Variants in TENM2 observed in about 807,000 individuals in gnomAD.
The protein encoded by TENM2 is teneurin-2.
Under a neutral mutation model 245.2 loss-of-function variants are expected in TENM2, and 52 were observed. The observed-to-expected ratio is 0.21, with a 90% CI of 0.17 to 0.27. The LOEUF (loss-of-function observed/expected upper bound fraction) is 0.27. Among genes scored for constraint, TENM2 ranks in the 10% least tolerant of loss-of-function variants. The pLI is 1.00. For missense variants in TENM2, 3,046 were observed against 3,666.8 expected, an observed-to-expected ratio of 0.83 and a Z score of 4.37; for synonymous variants, 1,363 against 1,438.9, an observed-to-expected ratio of 0.95 and a Z score of 1.19.
At chr5:168,112,804 C>A (rs551692168) in intron 9 of TENM2, among the ~76,000 whole-genome samples, 92 of 152,124 alleles carry the variant, frequency 6.0e-4, no homozygotes, top group Non-Finnish European at 9.4e-4. Flanking sequence ...CCTCCATGAC[C>A]TAAATATTAC....
At chr5:167,971,188 G>C (rs1311002778) in intron 4 of TENM2, among the ~76,000 whole-genome samples, 1 of 151,720 alleles carries the variant, frequency 6.6e-6, no homozygotes, top group African/African-American at 2.4e-5. Context: ...AGATAGAGAT[G>C]ATAGAGATAG....
At chr5:167,872,574 G>GAAAGAAAGAAAGA (rs1773076482) in intron 2 of TENM2, among the ~76,000 whole-genome samples, 2 of 39,330 alleles carry the variant, frequency 5.1e-5, no homozygotes, top group Non-Finnish European at 1.2e-4. Flanking sequence ...AAGAAAGAAA[G>GAAAGAAAGAAAGA]AAAGAAAGAG....
chr5:167,012,339 G>A, the TENM2 span, among the ~76,000 whole-genome samples: 1 of 152,262 alleles, frequency 6.6e-6, no homozygotes, highest in East Asian at 1.9e-4. Flanking sequence ...ACATCATAGT[G>A]ACCAAGACTA....
the TENM2 span, among the ~76,000 whole-genome samples, chr5:166,984,657 T>C: frequency 6.6e-6 from 1 of 152,140 alleles, no homozygotes; most frequent in African/African-American, 2.4e-5. Context: ...GTTAGGTTCC[T>C]AGATTGTTTC....
intron 1 of TENM2, among the ~76,000 whole-genome samples, chr5:167,301,734 A>G (rs567955604): frequency 2.2e-3 from 333 of 152,300 alleles, no homozygotes; most frequent in East Asian, 7.3e-3. Flanking sequence ...ATTTGATGAA[A>G]AAGAGCCTAA....
intron 5 of TENM2, among the ~76,000 whole-genome samples, chr5:168,027,856 TG>T (rs1239973613): frequency 2.0e-5 from 3 of 152,188 alleles, no homozygotes; most frequent in Non-Finnish European, 2.9e-5. Context: ...TTGTTCTTCC[TG>T]TCTAAGAAGT....
At chr5:166,986,692 T>C in the TENM2 span, among the ~76,000 whole-genome samples, 3 of 152,142 alleles carry the variant, frequency 2.0e-5, no homozygotes, top group Non-Finnish European at 4.4e-5. Context: ...GAATGAAACA[T>C]GTTTTAAGAA....
chr5:167,939,810 G>A (rs40583), intron 3 of TENM2, among the ~76,000 whole-genome samples: 36,355 of 152,118 alleles, frequency 0.24, 5,069 homozygotes, highest in African/African-American at 0.4. Context: ...CTACGCAGAT[G>A]AATCAGGATT....
intron 2 of TENM2, among the ~76,000 whole-genome samples, chr5:167,792,258 A>C (rs1471055779): frequency 6.6e-6 from 1 of 152,052 alleles, no homozygotes; most frequent in Admixed American, 6.6e-5. Flanking sequence ...CCTTTGAGGA[A>C]AAATATGGTT....
At chr5:168,158,174 C>T (rs974738633) in intron 12 of TENM2, among the ~76,000 whole-genome samples, 3 of 152,136 alleles carry the variant, frequency 2.0e-5, no homozygotes, top group African/African-American at 4.8e-5. Flanking sequence ...CCACCCACCT[C>T]GGCATCCCAA....
At chr5:167,540,043 G>A (rs987528378) in intron 2 of TENM2, among the ~76,000 whole-genome samples, 3 of 152,084 alleles carry the variant, frequency 2.0e-5, no homozygotes, top group Admixed American at 6.5e-5. Context: ...CATTTGTTAA[G>A]GTACAGTAAC....
chr5:168,182,978 G>A (rs1183533655), intron 13 of TENM2, among the ~76,000 whole-genome samples: 6 of 151,982 alleles, frequency 3.9e-5, no homozygotes, highest in South Asian at 2.1e-4. Flanking sequence ...CCACAAGTGC[G>A]CGCCACCATG....
At chr5:167,255,308 G>A in the TENM2 span, among the ~76,000 whole-genome samples, 2,081 of 152,134 alleles carry the variant, frequency 0.014, 34 homozygotes, top group African/African-American at 0.048. Context: ...AGAGTAAAGG[G>A]TAACATCTTT....
chr5:167,607,407 TAAACAAAACAA>T (rs1045401143), intron 2 of TENM2, among the ~76,000 whole-genome samples: 3 of 152,098 alleles, frequency 2.0e-5, no homozygotes, highest in Non-Finnish European at 2.9e-5. Context: ...GTAGCTAATA[TAAACAAAACAA>T]AAACAAAACA....
the TENM2 span, among the ~76,000 whole-genome samples, chr5:167,244,351 G>T: frequency 6.6e-6 from 1 of 152,086 alleles, no homozygotes; most frequent in Non-Finnish European, 1.5e-5. Flanking sequence ...CATTTAACAC[G>T]TGTTAACCTA....
intron 5 of TENM2, among the ~76,000 whole-genome samples, chr5:168,035,315 G>T (rs1787562996): frequency 6.6e-6 from 1 of 152,084 alleles, no homozygotes; most frequent in Non-Finnish European, 1.5e-5. Context: ...TGGCCAACAT[G>T]GCGAAACCCT....
intron 2 of TENM2, among the ~76,000 whole-genome samples, chr5:167,778,270 C>T (rs2150814875): frequency 6.6e-6 from 1 of 152,250 alleles, no homozygotes; most frequent in South Asian, 2.1e-4. Flanking sequence ...CAACAAGAGC[C>T]ATTTATGTGG....
rs115640733 is a variant in TENM2 at position 167,536,340 on chromosome 5, C to T, written c.502+160867C>T. Among the ~76,000 whole-genome samples the T allele has an allele frequency of 8.4e-3, 1,279 of 152,118 alleles. 13 individuals carry two copies. Among genetic ancestry groups the T allele is most frequent in the African/African-American group, 0.03 (1,227 of 41,490 alleles). On this transcript the variant is annotated intron_variant, in intron 2 of 28. Transcript: ENST00000518659. ...GCTATTTAGAAGTCAAGTAAAATGC[C>T]TTGAAGGCAGATTTAACTTTATAAA...
chr5:167,700,125 G>T (rs1414251049), intron 2 of TENM2, among the ~76,000 whole-genome samples: 2 of 152,136 alleles, frequency 1.3e-5, no homozygotes, highest in Non-Finnish European at 2.9e-5. Flanking sequence ...TAGTGTCTCT[G>T]AAAAGATAGA....
Sources: gnomAD v4.1 joint callset for allele counts (sites outside exome capture counted in the v4.1 genomes callset) on GRCh38, gnomAD v4.1.1 for gene constraint, MANE v1.5 for transcripts, NCBI Gene and HGNC (gene_info 2026-07-23, HGNC 2026-07-21) for gene names.